Variants in ST8SIA1 observed in about 807,000 individuals in gnomAD.
ST8SIA1 encodes alpha-N-acetylneuraminide alpha-2,8-sialyltransferase.
In ST8SIA1, 16 loss-of-function variants were observed where a neutral mutation model predicts 35.9. The ratio of observed to expected loss-of-function variants is 0.45; its 90% CI spans 0.30 to 0.68. The LOEUF is 0.68. Among genes scored for constraint, ST8SIA1 ranks in the 30% least tolerant of loss-of-function variants. ST8SIA1 has a pLI of 0.09. For missense variants in ST8SIA1, 383 were observed against 453.6 expected (o/e 0.84, Z 1.41); for synonymous variants, 170 against 169.6 (o/e 1.00, Z -0.02).
At chr12:22,315,477 A>AT (rs950558911) in intron 1 of ST8SIA1, among the ~76,000 whole-genome samples, 2 of 152,082 alleles carry the variant, frequency 1.3e-5, no homozygotes, top group African/African-American at 4.8e-5. Flanking sequence ...CAGAACATCT[A>AT]TTTTTCCTCT....
intron 4 of ST8SIA1, among the ~76,000 whole-genome samples, chr12:22,237,758 GTTTT>G (rs1043638787): frequency 4.0e-5 from 6 of 151,004 alleles, no homozygotes; most frequent in Non-Finnish European, 1.5e-5. Context: ...GTTTTTTCTT[GTTTT>G]TTTAGTATGG....
chr12:22,327,257 A>G (rs970570574), intron 1 of ST8SIA1, among the ~76,000 whole-genome samples: 3 of 152,244 alleles, frequency 2.0e-5, no homozygotes, highest in Admixed American at 2.0e-4. Flanking sequence ...GCCAAATTCA[A>G]ATTTAGACTC....
chr12:22,321,006 GAA>G, intron 1 of ST8SIA1, among the ~76,000 whole-genome samples: 1 of 56,404 alleles, frequency 1.8e-5, no homozygotes. Context: ...AAAGAAAGAA[GAA>G]AGAAAGAAAG....
In ST8SIA1 at chr12:22,287,946, A is replaced by T. The variant is rs899919235; in HGVS notation, c.237-653T>A. Among the ~76,000 whole-genome samples, 6 of 152,114 alleles carry T rather than the reference A, an allele frequency of 3.9e-5. No homozygotes were observed. The South Asian group carries it at 1.2e-3, about 32-fold the overall frequency. Reference sequence around the variant, plus strand: ...TTTGGTTCTCACTTTGGCCTCTCAGAAGTGTTTGACACCGTGATGAGCTCT... The same window carrying T: ...TTTGGTTCTCACTTTGGCCTCTCAGTAGTGTTTGACACCGTGATGAGCTCT... On this transcript the variant is annotated intron_variant, in intron 1 of 4. Transcript: ENST00000396037.
At chr12:22,289,534 A>G (rs1227089390) in intron 1 of ST8SIA1, among the ~76,000 whole-genome samples, 4 of 152,196 alleles carry the variant, frequency 2.6e-5, no homozygotes, top group Admixed American at 2.6e-4. Context: ...GTGCCTTCAT[A>G]GGTATTTTTC....
intron 4 of ST8SIA1, among the ~76,000 whole-genome samples, chr12:22,239,221 T>C (rs1043823013): frequency 2.0e-5 from 3 of 152,250 alleles, no homozygotes; most frequent in African/African-American, 7.2e-5. Flanking sequence ...TGCTTGATAC[T>C]TTGTGTTTTG....
chr12:22,219,151 G>T (rs1232549809), intron 4 of ST8SIA1, among the ~76,000 whole-genome samples: 1 of 151,782 alleles, frequency 6.6e-6, no homozygotes, highest in African/African-American at 2.4e-5. Context: ...TTTATTATAG[G>T]TATCACATTT....
chr12:22,329,449 A>G (rs1206265186), intron 1 of ST8SIA1, among the ~76,000 whole-genome samples: 1 of 152,202 alleles, frequency 6.6e-6, no homozygotes, highest in Non-Finnish European at 1.5e-5. Context: ...ATTATTGCTG[A>G]TGAGATTTTT....
intron 1 of ST8SIA1, among the ~76,000 whole-genome samples, chr12:22,329,986 CAA>C (rs895973887): frequency 1.3e-5 from 2 of 152,194 alleles, no homozygotes; most frequent in African/African-American, 4.8e-5. Context: ...TAAATACATT[CAA>C]AGACTCCTGG....
chr12:22,314,425 T>C (rs952163299), intron 1 of ST8SIA1, among the ~76,000 whole-genome samples: 2 of 151,968 alleles, frequency 1.3e-5, no homozygotes, highest in African/African-American at 4.8e-5. Context: ...ACTGGGAGGA[T>C]CACTTGAAGA....
At chr12:22,275,086 G>A (rs542496836) in intron 2 of ST8SIA1, among the ~76,000 whole-genome samples, 2 of 152,236 alleles carry the variant, frequency 1.3e-5, no homozygotes, top group African/African-American at 2.4e-5. Flanking sequence ...GAGGGAACTG[G>A]GAAGGTTTGC....
intron 1 of ST8SIA1, among the ~76,000 whole-genome samples, chr12:22,301,766 T>C (rs1866320947): frequency 6.6e-6 from 1 of 152,172 alleles, no homozygotes; most frequent in African/African-American, 2.4e-5. Flanking sequence ...ACAGGGTTCC[T>C]GACCTGTGTT....
chr12:22,230,992 C>T (rs1865412894), intron 4 of ST8SIA1, among the ~76,000 whole-genome samples: 1 of 152,014 alleles, frequency 6.6e-6, no homozygotes, highest in South Asian at 2.1e-4. Context: ...TTCTAAGAAT[C>T]ACATCTCTGC....
intron 1 of ST8SIA1, among the ~76,000 whole-genome samples, chr12:22,301,288 G>GGAGA (rs35109397): frequency 0.4 from 60,825 of 150,988 alleles, 12,747 homozygotes; most frequent in Middle Eastern, 0.62. Context: ...CAGGACCCAT[G>GGAGA]GAGAGCTGAA....
intron 4 of ST8SIA1, among the ~76,000 whole-genome samples, chr12:22,227,053 C>G (rs1865367316): frequency 6.6e-6 from 1 of 151,936 alleles, no homozygotes; most frequent in South Asian, 2.1e-4. Flanking sequence ...TTCAATGATT[C>G]TCCTGTCTCG....
intron 2 of ST8SIA1, 24 bp downstream of exon 2, chr12:22,287,125 G>A: frequency 1.3e-6 from 2 of 1,591,472 alleles, no homozygotes; most frequent in Non-Finnish European, 1.7e-6. Flanking sequence ...AAACCATACT[G>A]AAGGCAACCA....
intron 1 of ST8SIA1, among the ~76,000 whole-genome samples, chr12:22,318,386 G>T (rs1255137703): frequency 6.6e-6 from 1 of 152,184 alleles, no homozygotes; most frequent in East Asian, 1.9e-4. Flanking sequence ...CCCTTACTAT[G>T]GTATGGCTGG....
intron 1 of ST8SIA1, among the ~76,000 whole-genome samples, chr12:22,327,730 T>C (rs943653716): frequency 7.2e-5 from 11 of 152,152 alleles, no homozygotes; most frequent in Non-Finnish European, 1.6e-4. Context: ...GTTGCTTATA[T>C]AAATATCCTA....
At chr12:22,202,072 C>G in intron 4 of ST8SIA1, 34 bp from the exon 5 acceptor site, 1 of 1,527,562 alleles carries the variant, frequency 6.5e-7, no homozygotes, top group Non-Finnish European at 8.7e-7. Context: ...TCAATTAAAC[C>G]TAGAGAAAAA....
Sources: allele counts gnomAD v4.1 joint callset (sites outside exome capture counted in the v4.1 genomes callset), GRCh38; gene constraint gnomAD v4.1.1; transcripts MANE v1.5; gene names NCBI Gene and HGNC (gene_info 2026-07-23, HGNC 2026-07-21).